Variants in NEGR1 observed in about 807,000 individuals in gnomAD.
NEGR1 encodes the protein IgLON family member 4.
NEGR1 carries 10 observed loss-of-function variants against 40.9 expected under a neutral mutation model. The observed-to-expected ratio is 0.24, with a 90% confidence interval of 0.15 to 0.42. The LOEUF (loss-of-function observed/expected upper bound fraction) is 0.42. Among genes scored for constraint, NEGR1 ranks in the 10% least tolerant of loss-of-function variants. The probability of loss-of-function intolerance (pLI) is 1.00; values close to 1 mark genes in which losing one functional copy is unlikely to be tolerated. For missense variants in NEGR1, 352 were observed against 438.9 expected (o/e 0.80, Z 1.77); for synonymous variants, 185 against 166.8 (o/e 1.11, Z -0.84).
At chr1:72,052,669 C>T (rs937132079) in intron 1 of NEGR1, among the ~76,000 whole-genome samples, 11 of 151,418 alleles carry the variant, frequency 7.3e-5, no homozygotes, top group African/African-American at 2.2e-4. Flanking sequence ...GTTTCACTTA[C>T]TTTAATTTGT....
chr1:71,908,432 C>A (rs966804523), intron 2 of NEGR1, among the ~76,000 whole-genome samples: 5 of 151,942 alleles, frequency 3.3e-5, no homozygotes, highest in African/African-American at 1.2e-4. Context: ...TCCAGACAAA[C>A]AGAAGAGTAG....
At position 71,935,329 on chromosome 1, in the gene NEGR1, T is replaced by A. The variant is rs762615001; in HGVS notation, c.177-18A>T. ...AATAACACCTACAAATTACAAGAGA[T>A]ACAACACTATTAATCAAAATAAAAA... On this transcript the variant is annotated intron_variant, in intron 1 of 6. Coordinates refer to ENST00000357731, the MANE Select transcript of NEGR1 (RefSeq NM_173808.3). The A allele has an allele frequency of 9.5e-6, 14 of 1,466,832 alleles. No homozygotes were observed. In the Middle Eastern group the frequency reaches 5.2e-4, roughly 55 times the overall value. 90.9% of individuals were successfully genotyped at this position (1,466,832 alleles called of 1,614,324 possible).
chr1:72,268,352 A>C (rs1207199415), intron 1 of NEGR1, among the ~76,000 whole-genome samples: 2 of 151,486 alleles, frequency 1.3e-5, no homozygotes, highest in African/African-American at 2.4e-5. Context: ...TTTACAGACA[A>C]GAAAACTGAG....
intron 4 of NEGR1, 118 bp downstream of exon 4, chr1:71,697,890 A>G: frequency 1.1e-6 from 1 of 873,116 alleles, no homozygotes; most frequent in Non-Finnish European, 1.8e-6. Context: ...CAGTGTTAGT[A>G]GGTGATTTTT....
At chr1:72,022,603 A>G (rs1646770998) in intron 1 of NEGR1, among the ~76,000 whole-genome samples, 1 of 151,450 alleles carries the variant, frequency 6.6e-6, no homozygotes, top group South Asian at 2.1e-4. Flanking sequence ...GACATAAACT[A>G]AAAGGCTACA....
intron 6 of NEGR1, among the ~76,000 whole-genome samples, chr1:71,530,871 TG>T (rs995571495): frequency 6.6e-6 from 1 of 151,192 alleles, no homozygotes; most frequent in Admixed American, 6.6e-5. Flanking sequence ...TTTCCATATC[TG>T]GGTGTCATGA....
intron 4 of NEGR1, among the ~76,000 whole-genome samples, chr1:71,666,554 C>A (rs1652249898): frequency 6.6e-6 from 1 of 152,134 alleles, no homozygotes; most frequent in African/African-American, 2.4e-5. Context: ...ACCACTGAAG[C>A]CTTTCACAAA....
At chr1:71,921,247 T>C (rs1570504564) in intron 2 of NEGR1, among the ~76,000 whole-genome samples, 1 of 152,186 alleles carries the variant, frequency 6.6e-6, no homozygotes, top group African/African-American at 2.4e-5. Flanking sequence ...ATATAAAGGA[T>C]AGAGCTTAAA....
At chr1:71,653,983 T>C (rs970219382) in intron 4 of NEGR1, among the ~76,000 whole-genome samples, 2 of 152,168 alleles carry the variant, frequency 1.3e-5, no homozygotes, top group East Asian at 3.9e-4. Context: ...ACAATCATTA[T>C]ATAAATATGG....
chr1:72,142,820 T>A (rs896702593), intron 1 of NEGR1, among the ~76,000 whole-genome samples: 8 of 151,820 alleles, frequency 5.3e-5, no homozygotes, highest in African/African-American at 1.9e-4. Context: ...CTTGAAATCA[T>A]GATGATCCCT....
At chr1:72,150,099 T>C (rs1156345893) in intron 1 of NEGR1, among the ~76,000 whole-genome samples, 1 of 152,134 alleles carries the variant, frequency 6.6e-6, no homozygotes, top group Admixed American at 6.6e-5. Flanking sequence ...CAATTCATTT[T>C]ATGGGCATTA....
intron 6 of NEGR1, among the ~76,000 whole-genome samples, chr1:71,508,617 C>T (rs1647051610): frequency 1.3e-5 from 2 of 152,148 alleles, no homozygotes; most frequent in South Asian, 2.1e-4. Flanking sequence ...TCAGAGATAG[C>T]TCTGGCAGGC....
At chr1:71,801,932 T>A (rs1004649968) in intron 2 of NEGR1, among the ~76,000 whole-genome samples, 7 of 152,166 alleles carry the variant, frequency 4.6e-5, no homozygotes, top group Non-Finnish European at 1.0e-4. Flanking sequence ...ACCATAATGT[T>A]AGTAGAAATA....
At chr1:72,229,983 A>G (rs1485692639) in intron 1 of NEGR1, among the ~76,000 whole-genome samples, 1 of 152,126 alleles carries the variant, frequency 6.6e-6, no homozygotes, top group Non-Finnish European at 1.5e-5. Flanking sequence ...AGAATATATC[A>G]TACAGATAAT....
chr1:71,564,978 A>C (rs1648570872), intron 6 of NEGR1, among the ~76,000 whole-genome samples: 2 of 152,144 alleles, frequency 1.3e-5, no homozygotes, highest in Admixed American at 6.6e-5. Context: ...AGAGGAAGTT[A>C]AGAGTAACTA....
At chr1:72,101,027 C>T (rs571400464) in intron 1 of NEGR1, 1 of 152,260 alleles carries the variant, frequency 6.6e-6, no homozygotes, top group African/African-American at 2.4e-5. Context: ...CTCATCTAAC[C>T]CTACTTATCT....
chr1:72,241,618 C>T (rs979870939), intron 1 of NEGR1, among the ~76,000 whole-genome samples: 12 of 151,520 alleles, frequency 7.9e-5, no homozygotes, highest in Admixed American at 3.3e-4. Flanking sequence ...TGTTGTGTTG[C>T]GAAAGACCCT....
chr1:72,004,159 T>C, intron 1 of NEGR1, among the ~76,000 whole-genome samples: 1 of 152,138 alleles, frequency 6.6e-6, no homozygotes, highest in Middle Eastern at 3.4e-3. Context: ...TATATATTTA[T>C]TTTCATAATA....
At chr1:71,727,969 G>A (rs532408916) in intron 3 of NEGR1, among the ~76,000 whole-genome samples, 1 of 152,214 alleles carries the variant, frequency 6.6e-6, no homozygotes, top group Non-Finnish European at 1.5e-5. Context: ...TTAGAAAGAG[G>A]CAACAAAGTT....
Sources: allele counts gnomAD v4.1 joint callset (sites outside exome capture counted in the v4.1 genomes callset), GRCh38; gene constraint gnomAD v4.1.1; transcripts MANE v1.5; gene names NCBI Gene and HGNC (gene_info 2026-07-23, HGNC 2026-07-21).